The following SLC4A4 variants were observed in gnomAD, a reference collection of about 807,000 sequenced individuals.
SLC4A4 encodes the protein electrogenic sodium bicarbonate cotransporter 1.
SLC4A4 carries 27 observed loss-of-function variants against 111.5 expected under a neutral mutation model. That is an observed-to-expected ratio of 0.24 (90% CI 0.18 to 0.33). The LOEUF (loss-of-function observed/expected upper bound fraction) is 0.33. Ranked by LOEUF, SLC4A4 falls within the 10% of genes least tolerant of loss-of-function variation. The pLI, the probability that SLC4A4 is intolerant of heterozygous loss-of-function variation, is 1.00. For synonymous variants in SLC4A4, 443 were observed against 463.4 expected, an observed-to-expected ratio of 0.96 and a Z score of 0.57; for missense variants, 909 against 1,315.5, an observed-to-expected ratio of 0.69 and a Z score of 4.78.
chr4:71,399,482 C>T (rs1471892892), intron 7 of SLC4A4, among the ~76,000 whole-genome samples: 1 of 137,346 alleles, frequency 7.3e-6, no homozygotes, highest in Non-Finnish European at 1.6e-5. Context: ...CCCTCCCCTC[C>T]CCCTCTCCCT....
At chr4:71,376,706 G>C (rs1435865231) in intron 6 of SLC4A4, among the ~76,000 whole-genome samples, 1 of 151,672 alleles carries the variant, frequency 6.6e-6, no homozygotes, top group Non-Finnish European at 1.5e-5. Flanking sequence ...GGTGCGATCT[G>C]TCTCACTGCA....
chr4:71,440,852 A>G, intron 8 of SLC4A4, 79 bp downstream of exon 8: 3 of 1,486,020 alleles, frequency 2.0e-6, no homozygotes, highest in Non-Finnish European at 2.8e-6. Context: ...AATCAATAGA[A>G]TGAGGAAATA....
At chr4:71,423,492 T>G (rs1426865066) in intron 7 of SLC4A4, among the ~76,000 whole-genome samples, 1 of 152,118 alleles carries the variant, frequency 6.6e-6, no homozygotes, top group Non-Finnish European at 1.5e-5. Context: ...AACTTGATCT[T>G]GAAAGTTCAT....
intron 6 of SLC4A4, among the ~76,000 whole-genome samples, chr4:71,389,038 A>G (rs2148964382): frequency 6.6e-6 from 1 of 152,296 alleles, no homozygotes; most frequent in East Asian, 1.9e-4. Context: ...AGGCCCAGAG[A>G]GTAGTCAGAA....
chr4:71,426,853 C>T (rs914002182), intron 7 of SLC4A4, among the ~76,000 whole-genome samples: 8 of 152,072 alleles, frequency 5.3e-5, no homozygotes, highest in Admixed American at 1.3e-4. Context: ...AACTTCTAAT[C>T]TTTATAAAAA....
Position 71,466,966 on chromosome 4 carries a change from G to GAGAGAGAGAGAGAGAGAGA in SLC4A4, c.1631+389_1631+390insAGAGAGAGAGAGAGAGAGA, listed in dbSNP as rs369970583. ...GAGAGAGAGAGAGAGAGAGAGAGAG[G>GAGAGAGAGAGAGAGAGAGA]GAGAGAGAGAGAGGTCTGAGTATGT... is the stretch of plus-strand genomic sequence containing the variant. On this transcript the variant is annotated intron_variant, in intron 13 of 25. Transcript: ENST00000264485. 1.4e-3 allele frequency among the ~76,000 whole-genome samples: 126 copies of GAGAGAGAGAGAGAGAGAGA among 88,466 alleles called. 2 individuals are homozygous for GAGAGAGAGAGAGAGAGAGA. The highest frequency in any genetic ancestry group is 1.9e-3 in the Non-Finnish European group (91 of 47,050). 58.0% of individuals were successfully genotyped at this position (88,466 alleles called of 152,430 possible).
chr4:71,182,740 ACACTCT>A (rs1388445340), upstream of SLC4A4, among the ~76,000 whole-genome samples: 2 of 131,938 alleles, frequency 1.5e-5, no homozygotes, highest in African/African-American at 2.8e-5. Context: ...ACACACACAC[ACACTCT>A]CTCTCACATT....
At chr4:71,309,982 A>G (rs1726009314) in intron 3 of SLC4A4, among the ~76,000 whole-genome samples, 1 of 151,988 alleles carries the variant, frequency 6.6e-6, no homozygotes, top group Non-Finnish European at 1.5e-5. Flanking sequence ...TTTAGAGAAG[A>G]ACATAAATGA....
intron 1 of SLC4A4, among the ~76,000 whole-genome samples, chr4:71,208,609 C>G (rs1026835467): frequency 1.1e-3 from 2 of 1,770 alleles, no homozygotes; most frequent in Non-Finnish European, 6.0e-3. Flanking sequence ...TAGAAGCAAG[C>G]CTTTTTTTTT....
chr4:71,484,032 C>A (rs762002139), intron 14 of SLC4A4, among the ~76,000 whole-genome samples: 20 of 151,088 alleles, frequency 1.3e-4, no homozygotes, highest in Non-Finnish European at 2.5e-4. Flanking sequence ...GGTTTTTTTT[C>A]TTGTAAATTT....
intron 1 of SLC4A4, among the ~76,000 whole-genome samples, chr4:71,076,024 G>A: frequency 6.7e-6 from 1 of 148,942 alleles, no homozygotes; most frequent in Non-Finnish European, 1.5e-5. Flanking sequence ...CCGTCAACCT[G>A]CCCCTGTTTC....
chr4:71,519,823 T>C (rs996630073), intron 16 of SLC4A4, among the ~76,000 whole-genome samples: 6 of 152,000 alleles, frequency 3.9e-5, no homozygotes, highest in African/African-American at 1.5e-4. Context: ...TTTGTTGTTG[T>C]TTTTTTAGTA....
intron 16 of SLC4A4, among the ~76,000 whole-genome samples, chr4:71,510,375 T>C (rs926460990): frequency 7.2e-5 from 11 of 152,196 alleles, no homozygotes; most frequent in African/African-American, 2.4e-4. Flanking sequence ...TTATTTGCTA[T>C]TTTGGTCCCT....
intron 2 of SLC4A4, among the ~76,000 whole-genome samples, chr4:71,243,605 G>A (rs1487364939): frequency 1.3e-5 from 2 of 152,132 alleles, no homozygotes; most frequent in African/African-American, 2.4e-5. Context: ...ATAGGTTCAC[G>A]GGAGGTTCCA....
chr4:71,557,691 C>T lies in SLC4A4; in HGVS notation c.2764-21C>T. 3 of 1,611,836 alleles carry T rather than the reference C, an allele frequency of 1.9e-6. No individual in the cohort carries two copies. In the South Asian group the frequency reaches 3.3e-5, roughly 18 times the overall value. ...TGTAATGCAGTAATGCAGTTGGACTCCTTTCCTCTTTCCTCCCCAGTTCAT... is the reference window on the plus strand; with the variant it reads ...TGTAATGCAGTAATGCAGTTGGACTTCTTTCCTCTTTCCTCCCCAGTTCAT... On this transcript the variant is annotated intron_variant, in intron 21 of 25. Transcript: ENST00000264485.
At chr4:71,255,462 C>T in intron 3 of SLC4A4, 63 bp downstream of exon 3, 4 of 1,529,458 alleles carry the variant, frequency 2.6e-6, no homozygotes, top group South Asian at 1.1e-5. Flanking sequence ...GAGAAGGACA[C>T]CTTTTTGAAT....
At chr4:71,450,098 AGTG>A (rs1725618985) in intron 9 of SLC4A4, among the ~76,000 whole-genome samples, 1 of 152,204 alleles carries the variant, frequency 6.6e-6, no homozygotes, top group Non-Finnish European at 1.5e-5. Flanking sequence ...CTGTATCAGT[AGTG>A]GTACATACCA....
At chr4:71,359,498 C>T (rs1339999724) in intron 6 of SLC4A4, among the ~76,000 whole-genome samples, 1 of 152,134 alleles carries the variant, frequency 6.6e-6, no homozygotes, top group East Asian at 1.9e-4. Context: ...TCTTATAAAT[C>T]ATCAAATGGC....
intron 2 of SLC4A4, among the ~76,000 whole-genome samples, chr4:71,103,135 AACAG>A (rs1357717552): frequency 6.6e-6 from 1 of 151,920 alleles, no homozygotes; most frequent in African/African-American, 2.4e-5. Context: ...TTTCTGATAA[AACAG>A]ACTTTAAACC....
Sources: allele counts gnomAD v4.1 joint callset (sites outside exome capture counted in the v4.1 genomes callset), GRCh38; gene constraint gnomAD v4.1.1; transcripts MANE v1.5; gene names NCBI Gene and HGNC (gene_info 2026-07-23, HGNC 2026-07-21).